The following SMIM14 variants were observed in gnomAD, a reference collection of about 807,000 sequenced individuals.
The protein encoded by SMIM14 is small integral membrane protein 14.
Under a neutral mutation model 12.6 loss-of-function variants are expected in SMIM14, and 5 were observed. The observed-to-expected ratio is 0.40, with a 90% CI of 0.21 to 0.83. The LOEUF (loss-of-function observed/expected upper bound fraction) is 0.83, where lower values mean the gene tolerates loss of function less well. Among genes scored for constraint, SMIM14 ranks in the 40% least tolerant of loss-of-function variants. SMIM14 has a pLI of 0.37. For missense variants in SMIM14, 86 were observed against 119.1 expected (o/e 0.72, Z 1.29); for synonymous variants, 30 against 40.1 (o/e 0.75, Z 0.95).
intron 2 of SMIM14, among the ~76,000 whole-genome samples, chr4:39,573,349 C>T (rs975793950): frequency 4.6e-5 from 7 of 152,048 alleles, no homozygotes; most frequent in Non-Finnish European, 8.8e-5. Flanking sequence ...CCACTTGCCT[C>T]GGCCTCCCAA....
At chr4:39,589,623 T>C (rs1360026890) in intron 2 of SMIM14, 1 of 152,192 alleles carries the variant, frequency 6.6e-6, no homozygotes, top group African/African-American at 2.4e-5. Context: ...ATATGCCAAG[T>C]GACAGCCAGT....
chr4:39,592,036 A>C (rs1297969592), intron 2 of SMIM14, among the ~76,000 whole-genome samples: 1 of 152,034 alleles, frequency 6.6e-6, no homozygotes, highest in East Asian at 1.9e-4. Context: ...CTACAAAAAA[A>C]AATACAAAAA....
rs1298743756 is a variant in SMIM14, at chr4:39,576,660, GTATATATATA to G, written c.76-4207_76-4198del. ...CTTATACCTATGTGTGTGTGTATGT[GTATATATATA>G]TATATATATATATATTTTTTTTTTT... is the stretch of plus-strand genomic sequence containing the variant. On this transcript the variant is annotated intron_variant, in intron 2 of 4. Coordinates refer to ENST00000295958, the MANE Select transcript of SMIM14 (RefSeq NM_174921.3). Among the ~76,000 whole-genome samples, 16 of 72,378 alleles carry G rather than the reference GTATATATATA, an allele frequency of 2.2e-4. 2 individuals are homozygous for G. The East Asian group carries it at 2.3e-3, about 10-fold the overall frequency. The allele number at this position is 72,378 out of a possible 152,430, so 47.5% of individuals were successfully genotyped here.
chr4:39,620,135 G>A (rs1294869735), intron 1 of SMIM14, among the ~76,000 whole-genome samples: 5 of 149,270 alleles, frequency 3.3e-5, no homozygotes, highest in Non-Finnish European at 5.9e-5. Flanking sequence ...GAGCCCAAGA[G>A]TTCAAGACTG....
Position 39,572,407 on chromosome 4 carries a change from G to T in SMIM14, c.124+8C>A. On this transcript the variant is annotated splice_region_variant and intron_variant, in intron 3 of 4. Transcript: ENST00000295958. ...TGCCATCCTTCCTCCTGTCTCAGTGGTACTTACATTCCTGAAGACACTCTG... is the reference window on the plus strand; with the variant it reads ...TGCCATCCTTCCTCCTGTCTCAGTGTTACTTACATTCCTGAAGACACTCTG... 6.3e-7 allele frequency: 1 copy of T among 1,589,568 alleles called. No individual in the cohort carries two copies. Among genetic ancestry groups the T allele is most frequent in the South Asian group, 1.1e-5 (1 of 89,482 alleles).
chr4:39,576,444 G>T lies in SMIM14; in HGVS notation c.76-3981C>A, dbSNP rs1371138053. On this transcript the variant is annotated intron_variant, in intron 2 of 4. Transcript: ENST00000295958. ...GACTAGGAGGTCCCTAGGTGACAAGGTGCCCTGCCTGTGAGTCAGTATCAA... is the reference window on the plus strand; with the variant it reads ...GACTAGGAGGTCCCTAGGTGACAAGTTGCCCTGCCTGTGAGTCAGTATCAA... Among the ~76,000 whole-genome samples the T allele has an allele frequency of 2.0e-5, 3 of 151,048 alleles. No individual in the cohort carries two copies. In the Admixed American group the frequency reaches 2.0e-4, roughly 10 times the overall value.
intron 2 of SMIM14, among the ~76,000 whole-genome samples, chr4:39,588,452 C>T (rs1713897988): frequency 6.6e-6 from 1 of 152,060 alleles, no homozygotes; most frequent in African/African-American, 2.4e-5. Flanking sequence ...AATTGTATTG[C>T]TAATTATAGA....
chr4:39,619,870 ATATATAT>A lies in SMIM14; in HGVS notation c.-35-14697_-35-14691del, dbSNP rs1228817244. On this transcript the variant is annotated intron_variant, in intron 1 of 4. Transcript: ENST00000295958. The stretch of plus-strand genomic sequence containing the variant: ...TATATTTATATATATTTATATATAT[ATATATAT>A]TTTTTTTTTTTTAAGAGCAAGATAG... Among the ~76,000 whole-genome samples, 85 of 84,424 alleles carry A rather than the reference ATATATAT, an allele frequency of 1.0e-3. 3 individuals are homozygous for A. The highest frequency in any genetic ancestry group is 4.3e-3 in the African/African-American group (84 of 19,544). The allele number at this position is 84,424 out of a possible 152,430, so 55.4% of individuals were successfully genotyped here.
At chr4:39,583,067 C>T (rs1234135324) in intron 2 of SMIM14, among the ~76,000 whole-genome samples, 1 of 152,024 alleles carries the variant, frequency 6.6e-6, no homozygotes, top group Non-Finnish European at 1.5e-5. Context: ...ACTGGGATTA[C>T]ACGCGTGAGC....
At chr4:39,584,709 C>T (rs1403480307) in intron 2 of SMIM14, among the ~76,000 whole-genome samples, 8 of 134,352 alleles carry the variant, frequency 6.0e-5, no homozygotes, top group East Asian at 2.2e-4. Flanking sequence ...GGTGGGAGGA[C>T]GGTTTGAACC....
At position 39,547,740 on chromosome 4, in the gene SMIM14, C is replaced by T. The variant is rs1365480261; in HGVS notation, c.*4386G>A. The T allele has an allele frequency of 6.6e-6, 1 of 152,002 alleles. No individual in the cohort carries two copies. Among genetic ancestry groups the T allele is most frequent in the African/African-American group, 2.4e-5 (1 of 41,384 alleles). 9.4% of individuals were successfully genotyped at this position (152,002 alleles called of 1,614,324 possible). A position where few individuals can be genotyped will look rare whatever the true frequency, so the allele number is the denominator to read the frequency against. Reference sequence around the variant, plus strand: ...AAGGTTCCTTTGAAAATTTAAGATACTGGTAATTCCATAAACACTCCCACA... The same window carrying T: ...AAGGTTCCTTTGAAAATTTAAGATATTGGTAATTCCATAAACACTCCCACA... On this transcript the variant is annotated 3_prime_UTR_variant, in exon 5 of 5. Transcript: ENST00000295958.
chr4:39,574,979 T>C, intron 2 of SMIM14, among the ~76,000 whole-genome samples: 1 of 148,886 alleles, frequency 6.7e-6, no homozygotes, highest in South Asian at 2.1e-4. Flanking sequence ...TACAAAAAAA[T>C]AGAAAAATTA....
At chr4:39,620,458 C>T (rs922064160) in intron 1 of SMIM14, among the ~76,000 whole-genome samples, 8 of 151,570 alleles carry the variant, frequency 5.3e-5, no homozygotes, top group East Asian at 3.9e-4. Flanking sequence ...CCATCCTGGG[C>T]GAGAGAGATA....
At chr4:39,588,825 TTAAA>T (rs1442282808) in intron 2 of SMIM14, among the ~76,000 whole-genome samples, 1 of 151,688 alleles carries the variant, frequency 6.6e-6, no homozygotes, top group East Asian at 1.9e-4. Flanking sequence ...ATATAAATAA[TTAAA>T]TATTTTAAAA....
intron 2 of SMIM14, among the ~76,000 whole-genome samples, chr4:39,602,736 A>G (rs1369261461): frequency 4.6e-5 from 7 of 152,164 alleles, no homozygotes; most frequent in Admixed American, 1.3e-4. Flanking sequence ...GATTTAATGT[A>G]TAAGTTCTTA....
chr4:39,619,143 T>C (rs887722631), intron 1 of SMIM14, among the ~76,000 whole-genome samples: 1 of 149,054 alleles, frequency 6.7e-6, no homozygotes, highest in Non-Finnish European at 1.5e-5. Context: ...TATGAGAAAA[T>C]TGAGATAATT....
intron 3 of SMIM14, among the ~76,000 whole-genome samples, chr4:39,566,504 GGACA>G (rs2109998503): frequency 6.6e-6 from 1 of 152,114 alleles, no homozygotes; most frequent in African/African-American, 2.4e-5. Flanking sequence ...GAGGTCTGGA[GGACA>G]GACAGACGCA....
In SMIM14 at chr4:39,638,826, G is replaced by A; in HGVS notation, c.-123C>T. ...GACCGCCTGGAGCTTCCAGAAGGCTGCGGCTGCTCCGGACGCTGCTGCCAC... is the reference window on the plus strand; with the variant it reads ...GACCGCCTGGAGCTTCCAGAAGGCTACGGCTGCTCCGGACGCTGCTGCCAC... On this transcript the variant is annotated 5_prime_UTR_variant, in exon 1 of 5. Transcript: ENST00000295958. The A allele has an allele frequency of 2.0e-6, 2 of 985,972 alleles. No homozygotes were observed. Among genetic ancestry groups the A allele is most frequent in the Non-Finnish European group, 2.4e-6 (2 of 830,360 alleles). 61.1% of individuals were successfully genotyped at this position (985,972 alleles called of 1,614,324 possible). A position where few individuals can be genotyped will look rare whatever the true frequency, so the allele number is the denominator to read the frequency against.
chr4:39,594,538 C>A (rs1278389424), intron 2 of SMIM14: 1 of 147,760 alleles, frequency 6.8e-6, no homozygotes, highest in Non-Finnish European at 1.5e-5. Flanking sequence ...GCAACAAAAG[C>A]CAAAATTGAC....
Sources: gnomAD v4.1 joint callset for allele counts (sites outside exome capture counted in the v4.1 genomes callset) on GRCh38, gnomAD v4.1.1 for gene constraint, MANE v1.5 for transcripts, NCBI Gene and HGNC (gene_info 2026-07-23, HGNC 2026-07-21) for gene names.